The following MAML3 variants were observed in gnomAD, a reference collection of about 807,000 sequenced individuals.
The protein encoded by MAML3 is mastermind-like protein 3.
A neutral mutation model predicts 101.9 loss-of-function variants in MAML3; 27 were observed. That is an observed-to-expected ratio of 0.27 (90% CI 0.20 to 0.37). MAML3 has a LOEUF of 0.37. Ranked by LOEUF, MAML3 falls within the 10% of genes least tolerant of loss-of-function variation. The probability of loss-of-function intolerance (pLI) is 1.00; values close to 1 mark genes in which losing one functional copy is unlikely to be tolerated. For synonymous variants in MAML3, 501 were observed against 555.9 expected, an observed-to-expected ratio of 0.90 and a Z score of 1.39; for missense variants, 1,316 against 1,444.9, an observed-to-expected ratio of 0.91 and a Z score of 1.45.
In MAML3 at chr4:139,873,980, T is replaced by C. The variant is rs191159626; in HGVS notation, c.2079+15377A>G. ...TTTCCAATAGAGCTCTTCTTTACTT[T>C]GGAGTTAAGTTTTTAAGTTTTATTA... On this transcript the variant is annotated intron_variant, in intron 2 of 4. Coordinates refer to ENST00000509479, the MANE Select transcript of MAML3 (RefSeq NM_018717.5). 3.5e-3 allele frequency among the ~76,000 whole-genome samples: 536 copies of C among 152,350 alleles called. 3 individuals carry two copies. The highest frequency in any genetic ancestry group is 0.012 in the African/African-American group (504 of 41,584).
At chr4:139,835,718 T>A (rs80004144) in intron 2 of MAML3, among the ~76,000 whole-genome samples, 9,209 of 151,834 alleles carry the variant, frequency 0.061, 904 homozygotes, top group African/African-American at 0.21. Flanking sequence ...GACTTGAGAG[T>A]TTTTTCTGTT....
intron 1 of MAML3, among the ~76,000 whole-genome samples, chr4:139,963,158 C>T (rs544403502): frequency 6.6e-6 from 1 of 152,088 alleles, no homozygotes; most frequent in African/African-American, 2.4e-5. Context: ...GTGGATCATC[C>T]CTGTAGTCCC....
intron 2 of MAML3, among the ~76,000 whole-genome samples, chr4:139,783,577 T>G (rs1310566015): frequency 2.6e-5 from 4 of 152,218 alleles, no homozygotes; most frequent in Non-Finnish European, 4.4e-5. Context: ...GACTCCAACG[T>G]GCTGAAAGCC....
chr4:139,910,852 T>C (rs1259137920), intron 1 of MAML3, among the ~76,000 whole-genome samples: 3 of 152,186 alleles, frequency 2.0e-5, no homozygotes, highest in Non-Finnish European at 2.9e-5. Context: ...AGAAGTATAA[T>C]ACAGGCATAC....
chr4:139,738,283 C>T (rs1465510821), intron 2 of MAML3, among the ~76,000 whole-genome samples: 1 of 152,234 alleles, frequency 6.6e-6, no homozygotes, highest in African/African-American at 2.4e-5. Flanking sequence ...GTGGCTCACG[C>T]CTGTAATCCC....
At chr4:139,957,958 A>T (rs1426573764) in intron 1 of MAML3, among the ~76,000 whole-genome samples, 1 of 152,236 alleles carries the variant, frequency 6.6e-6, no homozygotes, top group Non-Finnish European at 1.5e-5. Flanking sequence ...ATAAGTATAT[A>T]TGTATAAATT....
chr4:139,723,719 A>G (rs913107652), intron 4 of MAML3, among the ~76,000 whole-genome samples: 25 of 152,266 alleles, frequency 1.6e-4, no homozygotes, highest in Non-Finnish European at 1.2e-4. Context: ...CCCCACAAAT[A>G]ATACATGAGT....
intron 1 of MAML3, among the ~76,000 whole-genome samples, chr4:140,136,132 T>A (rs1578703680): frequency 1.3e-5 from 2 of 152,106 alleles, no homozygotes; most frequent in East Asian, 3.9e-4. Flanking sequence ...ATCCAAACCT[T>A]TTGGCTCTCC....
chr4:139,817,515 C>T (rs1730911219), intron 2 of MAML3, among the ~76,000 whole-genome samples: 1 of 152,128 alleles, frequency 6.6e-6, no homozygotes, highest in South Asian at 2.1e-4. Flanking sequence ...CAAATATTGC[C>T]AAAGCCCTTT....
intron 1 of MAML3, among the ~76,000 whole-genome samples, chr4:139,993,993 C>A (rs1447240185): frequency 6.6e-6 from 1 of 152,106 alleles, no homozygotes; most frequent in Non-Finnish European, 1.5e-5. Context: ...ACACTGAGGC[C>A]AAATATACAT....
intron 1 of MAML3, among the ~76,000 whole-genome samples, chr4:140,036,948 C>T (rs757073797): frequency 1.3e-4 from 20 of 152,134 alleles, no homozygotes; most frequent in Non-Finnish European, 2.8e-4. Context: ...TCTTCAGTCC[C>T]ACTTTCCAAT....
chr4:139,773,909 CG>C (rs753213218), intron 2 of MAML3, among the ~76,000 whole-genome samples: 139 of 152,248 alleles, frequency 9.1e-4, no homozygotes, highest in Non-Finnish European at 1.6e-3. Context: ...TGCAAACAAC[CG>C]GACCACTGTG....
chr4:139,978,619 AAG>A (rs70943462), intron 1 of MAML3, among the ~76,000 whole-genome samples: 14 of 150,896 alleles, frequency 9.3e-5, no homozygotes, highest in East Asian at 2.0e-4. Flanking sequence ...ATCAAAAAAA[AAG>A]AGAGAGAGAG....
intron 1 of MAML3, among the ~76,000 whole-genome samples, chr4:140,080,683 G>A (rs995393830): frequency 2.7e-5 from 4 of 147,978 alleles, no homozygotes; most frequent in African/African-American, 4.8e-5. Flanking sequence ...AAAACTTCCC[G>A]TTGTTCGGTT....
chr4:140,030,457 G>C (rs1008470366), intron 1 of MAML3, among the ~76,000 whole-genome samples: 5 of 152,162 alleles, frequency 3.3e-5, no homozygotes, highest in African/African-American at 1.2e-4. Flanking sequence ...TTATTTACTG[G>C]ACAGAGGAAA....
At position 140,078,037 on chromosome 4, in the gene MAML3, A is replaced by AAATAAATT. The variant is rs1344846550; in HGVS notation, c.468+74822_468+74823insAATTTATT. Among the ~76,000 whole-genome samples the AAATAAATT allele has an allele frequency of 1.5e-4, 23 of 151,476 alleles. 1 individual carries two copies. The East Asian group carries it at 1.9e-3, about 13-fold the overall frequency. On this transcript the variant is annotated intron_variant, in intron 1 of 4. Coordinates refer to ENST00000509479, the MANE Select transcript of MAML3 (RefSeq NM_018717.5). ...GTCTCAAATAAATAAAAAAATAAAT[A>AAATAAATT]AATAAATAAATAAATAAAGACAGGT...
chr4:139,834,005 C>T (rs1407002864), intron 2 of MAML3, among the ~76,000 whole-genome samples: 1 of 152,072 alleles, frequency 6.6e-6, no homozygotes, highest in Non-Finnish European at 1.5e-5. Flanking sequence ...AGGTTGGGGG[C>T]AGGGGGATGC....
intron 2 of MAML3, among the ~76,000 whole-genome samples, chr4:139,754,707 A>G (rs1444486999): frequency 2.0e-5 from 3 of 152,214 alleles, no homozygotes; most frequent in Non-Finnish European, 4.4e-5. Context: ...ACCTATTTAC[A>G]CTTCCATCAG....
intron 2 of MAML3, among the ~76,000 whole-genome samples, chr4:139,780,954 G>A (rs1730193362): frequency 6.6e-6 from 1 of 152,078 alleles, no homozygotes; most frequent in Non-Finnish European, 1.5e-5. Flanking sequence ...TGACGGCAAA[G>A]AATTACACAG....
Sources: gnomAD v4.1 joint callset for allele counts (sites outside exome capture counted in the v4.1 genomes callset) on GRCh38, gnomAD v4.1.1 for gene constraint, MANE v1.5 for transcripts, NCBI Gene and HGNC (gene_info 2026-07-23, HGNC 2026-07-21) for gene names.